The following SCN1A variants were observed in gnomAD, a reference collection of about 807,000 sequenced individuals.
SCN1A encodes the protein sodium voltage-gated channel alpha subunit 1, also known as sodium channel protein type 1 subunit alpha.
Under a neutral mutation model 193.7 loss-of-function variants are expected in SCN1A, and 13 were observed. That is an observed-to-expected ratio of 0.07 (90% CI 0.04 to 0.11). SCN1A has a LOEUF of 0.11. Among genes scored for constraint, SCN1A ranks in the 10% least tolerant of loss-of-function variants. The probability of loss-of-function intolerance (pLI) is 1.00; values close to 1 mark genes in which losing one functional copy is unlikely to be tolerated. For synonymous variants in SCN1A, 781 were observed against 843.6 expected, an observed-to-expected ratio of 0.93 and a Z score of 1.29; for missense variants, 1,432 against 2,451.1, an observed-to-expected ratio of 0.58 and a Z score of 8.78.
At chr2:166,083,650 T>C (rs970574392) in intron 2 of SCN1A, among the ~76,000 whole-genome samples, 1 of 152,088 alleles carries the variant, frequency 6.6e-6, no homozygotes, top group Non-Finnish European at 1.5e-5. Context: ...ATCAGTATCA[T>C]TAGGATGATT....
intron 8 of SCN1A, among the ~76,000 whole-genome samples, 194 bp from the exon 9 acceptor site, chr2:166,052,182 A>C (rs549985694): frequency 1.3e-5 from 2 of 152,158 alleles, no homozygotes; most frequent in South Asian, 4.1e-4. Context: ...TTAAACAATG[A>C]AATGAAGATT....
intron 2 of SCN1A, among the ~76,000 whole-genome samples, chr2:166,095,148 C>T (rs920757801): frequency 3.3e-5 from 5 of 151,974 alleles, no homozygotes; most frequent in African/African-American, 1.2e-4. Context: ...AATTACGTAC[C>T]CTCCTTGTGA....
intron 23 of SCN1A, among the ~76,000 whole-genome samples, chr2:166,008,814 C>T (rs573926035): frequency 1.1e-4 from 16 of 150,558 alleles, no homozygotes; most frequent in Admixed American, 4.7e-4. Flanking sequence ...CTATTGGAAT[C>T]ACACAATTCA....
intron 22 of SCN1A, among the ~76,000 whole-genome samples, chr2:166,010,945 AT>A (rs1324213991): frequency 2.0e-5 from 3 of 151,184 alleles, no homozygotes; most frequent in Non-Finnish European, 4.5e-5. Flanking sequence ...TGTAATAAAC[AT>A]AATAGAAAAA....
chr2:166,013,347 G>A (rs555199714), intron 21 of SCN1A, among the ~76,000 whole-genome samples: 1 of 151,514 alleles, frequency 6.6e-6, no homozygotes, highest in African/African-American at 2.4e-5. Flanking sequence ...TGTCCATCAA[G>A]AGATAATAAT....
chr2:166,079,890 T>C (rs1035809845), intron 2 of SCN1A, among the ~76,000 whole-genome samples: 3 of 151,494 alleles, frequency 2.0e-5, no homozygotes, highest in Non-Finnish European at 3.0e-5. Context: ...GAAAAAGTAT[T>C]TTTTTAACTC....
chr2:166,063,330 G>A (rs1451123704), intron 4 of SCN1A, among the ~76,000 whole-genome samples: 3 of 151,932 alleles, frequency 2.0e-5, no homozygotes, highest in East Asian at 1.9e-4. Flanking sequence ...CATACAATAG[G>A]GTTGTTCTAG....
At position 166,056,433 on chromosome 2, in the gene SCN1A, G is replaced by T; in HGVS notation, c.451C>A (p.Pro151Thr). ...TACTCTACATTCTTTGTCCAATCAG[G>T]AGGGTTACTCATTGTCATAAACACA... ...NCVFMTMSNP[P>T]DWTKNVEYTF... is the part of the protein sequence containing the mutation. Residue 151 changes from proline (P) to threonine (T), a missense_variant, in exon 6 of 29, where the codon CCT (proline) becomes ACT (threonine). By Grantham distance (38) the Pro-to-Thr change is conservative. Around this residue, in one of 18 missense-constraint regions of SCN1A, gnomAD observed 123 missense variants for 282.8 expected, o/e 0.43. Transcript: ENST00000674923. The T allele has an allele frequency of 6.3e-7, 1 of 1,599,174 alleles. No individual in the cohort carries two copies. Among genetic ancestry groups the T allele is most frequent in the African/African-American group, 1.3e-5 (1 of 74,672 alleles).
chr2:166,054,732 G>A lies in SCN1A; in HGVS notation c.508C>T (p.Leu170Phe), dbSNP rs372435161. Residue 170 changes from leucine to phenylalanine, a missense_variant, in exon 7 of 29, where the codon CTT becomes TTT. Physicochemically the swap from Leu to Phe is conservative, Grantham distance 22. Transcript: ENST00000674923. ...TFTGIYTFES[L>F]IKIIARGFCL... ...AATCCCCTTGCAATAATTTTTATAA[G>A]TGATTCAAAAGTATATATTCCTGTG... is the stretch of plus-strand genomic sequence containing the variant. 1 of 1,611,290 alleles carries A rather than the reference G, an allele frequency of 6.2e-7. No individual in the cohort carries two copies. The highest frequency in any genetic ancestry group is 8.5e-7 in the Non-Finnish European group (1 of 1,178,200).
Position 166,009,850 on chromosome 2 carries a change from A to C in SCN1A, c.3880-9T>G. 1 of 1,604,854 alleles carries C rather than the reference A, an allele frequency of 6.2e-7. No homozygotes were observed. The highest frequency in any genetic ancestry group is 1.1e-5 in the South Asian group (1 of 90,896). On this transcript the variant is annotated splice_polypyrimidine_tract_variant and intron_variant, in intron 22 of 28. Coordinates refer to ENST00000674923, the MANE Select transcript of SCN1A (RefSeq NM_001165963.4). ...AAACTGACCAATGAAACCTGCACAC[A>C]CAAAAATAATAACAATTAATAAACA...
Position 166,029,862 on chromosome 2 carries a change from C to T in SCN1A, c.3429+6186G>A, listed in dbSNP as rs922247287. On this transcript the variant is annotated intron_variant, in intron 19 of 28. Coordinates refer to ENST00000674923, the MANE Select transcript of SCN1A (RefSeq NM_001165963.4). ...GGATGCTCCTTAAGCACAACTATCA[C>T]ACTCTGGGAGACTAAGTGCTCTCTA... Among the ~76,000 whole-genome samples the T allele has an allele frequency of 2.1e-4, 32 of 152,114 alleles. 1 individual carries two copies. The highest frequency in any genetic ancestry group is 3.4e-4 in the Non-Finnish European group (23 of 68,028).
intron 19 of SCN1A, among the ~76,000 whole-genome samples, chr2:166,024,928 A>G (rs1374014449): frequency 1.3e-5 from 2 of 152,246 alleles, no homozygotes; most frequent in African/African-American, 4.8e-5. Flanking sequence ...TGCTGTGACT[A>G]CAGGAGTGAG....
chr2:166,113,175 C>T (rs2106205378), intron 2 of SCN1A, among the ~76,000 whole-genome samples: 1 of 152,054 alleles, frequency 6.6e-6, no homozygotes, highest in Non-Finnish European at 1.5e-5. Context: ...TTGTGGGACA[C>T]TCAACTGGCT....
At chr2:166,032,243 A>ATAAACCCATTATAAAGTC (rs1553539051) in intron 19 of SCN1A, among the ~76,000 whole-genome samples, 1 of 62,034 alleles carries the variant, frequency 1.6e-5, no homozygotes, top group Non-Finnish European at 3.2e-5. Context: ...ACAGAGACAG[A>ATAAACCCATTATAAAGTC]GAGAGAAAAT....
At chr2:166,146,162 A>C (rs1263029693) in intron 1 of SCN1A, among the ~76,000 whole-genome samples, 1 of 152,176 alleles carries the variant, frequency 6.6e-6, no homozygotes, top group African/African-American at 2.4e-5. Flanking sequence ...GGATGATGTA[A>C]GACTAAGTCC....
At chr2:166,019,912 CTTT>C (rs200535265) in intron 19 of SCN1A, among the ~76,000 whole-genome samples, 10 of 134,488 alleles carry the variant, frequency 7.4e-5, no homozygotes, top group Admixed American at 1.5e-4. Flanking sequence ...AGGTGAACTT[CTTT>C]TTTTTTTTTT....
At chr2:166,120,596 C>CTTTTTTTTTTTTT (rs57044851) in intron 2 of SCN1A, among the ~76,000 whole-genome samples, 13 of 72,456 alleles carry the variant, frequency 1.8e-4, no homozygotes, top group Non-Finnish European at 2.7e-4. Context: ...TTTCTTTTCT[C>CTTTTTTTTTTTTT]TTTTTTTTTT....
At chr2:166,134,862 G>T (rs1006291920) in intron 1 of SCN1A, among the ~76,000 whole-genome samples, 1 of 151,974 alleles carries the variant, frequency 6.6e-6, no homozygotes, top group Non-Finnish European at 1.5e-5. Flanking sequence ...ATAAAGCTTT[G>T]GTTCTTCAGA....
chr2:166,019,912 C>CT (rs200535265), intron 19 of SCN1A, among the ~76,000 whole-genome samples: 55,886 of 134,390 alleles, frequency 0.42, 11,644 homozygotes, highest in South Asian at 0.53. Flanking sequence ...AGGTGAACTT[C>CT]TTTTTTTTTT....
Sources: gnomAD v4.1 joint callset for allele counts (sites outside exome capture counted in the v4.1 genomes callset) on GRCh38, gnomAD v4.1.1 for gene constraint, gnomAD v4.1.1 regional missense constraint, MANE v1.5 for transcripts, NCBI Gene and HGNC (gene_info 2026-07-23, HGNC 2026-07-21) for gene names.